IMMP2L: variants seen among roughly 807,000 people sequenced by gnomAD.
The protein encoded by IMMP2L is inner mitochondrial membrane peptidase subunit 2, also known as mitochondrial inner membrane protease subunit 2.
In IMMP2L, 18 loss-of-function variants were observed where a neutral mutation model predicts 19.3. That is an observed-to-expected ratio of 0.93 (90% CI 0.64 to 1.38). The LOEUF is 1.38. IMMP2L is among the 40% of genes most tolerant of loss of function. The pLI is 0.00. For synonymous variants in IMMP2L, 76 were observed against 73.0 expected (o/e 1.04, Z -0.21); for missense variants, 233 against 218.2 (o/e 1.07, Z -0.43).
intron 3 of IMMP2L, among the ~76,000 whole-genome samples, chr7:110,979,631 C>T (rs1821047234): frequency 6.6e-6 from 1 of 151,728 alleles, no homozygotes; most frequent in Non-Finnish European, 1.5e-5. Context: ...CACATGTACC[C>T]TAGAACTTAA....
At chr7:110,979,722 A>G (rs1157495049) in intron 3 of IMMP2L, among the ~76,000 whole-genome samples, 1 of 152,156 alleles carries the variant, frequency 6.6e-6, no homozygotes, top group Non-Finnish European at 1.5e-5. Context: ...AAAAACCTCA[A>G]TAGTAAGAAA....
At chr7:110,759,869 G>C (rs546286785) in intron 5 of IMMP2L, among the ~76,000 whole-genome samples, 1 of 152,186 alleles carries the variant, frequency 6.6e-6, no homozygotes, top group Non-Finnish European at 1.5e-5. Flanking sequence ...CCTGGCAGAA[G>C]CAAAGTTGCT....
intron 3 of IMMP2L, among the ~76,000 whole-genome samples, chr7:111,481,771 G>C (rs1842210816): frequency 6.6e-6 from 1 of 152,088 alleles, no homozygotes; most frequent in Non-Finnish European, 1.5e-5. Flanking sequence ...TTTTATCTTA[G>C]TTCACTTCAG....
At chr7:110,905,702 TGTAA>T (rs1301486163) in intron 4 of IMMP2L, among the ~76,000 whole-genome samples, 3 of 152,212 alleles carry the variant, frequency 2.0e-5, no homozygotes, top group Non-Finnish European at 4.4e-5. Flanking sequence ...TTGGCTGGAC[TGTAA>T]GTGTGATGTC....
chr7:111,539,615 C>G (rs551756839), intron 1 of IMMP2L, among the ~76,000 whole-genome samples: 1 of 150,918 alleles, frequency 6.6e-6, no homozygotes, highest in African/African-American at 2.4e-5. Flanking sequence ...ATCAGAGCCA[C>G]TCTGCTTTTT....
intron 4 of IMMP2L, among the ~76,000 whole-genome samples, chr7:110,926,989 G>C (rs1024949777): frequency 3.3e-5 from 5 of 152,056 alleles, no homozygotes; most frequent in African/African-American, 1.2e-4. Flanking sequence ...CCTTGAATTT[G>C]GTCTCACTTT....
chr7:111,068,506 T>C lies in IMMP2L; in HGVS notation c.240-104941A>G, dbSNP rs557181394. Among the ~76,000 whole-genome samples the C allele has an allele frequency of 2.6e-5, 4 of 152,260 alleles. 1 individual carries two copies. In the East Asian group the frequency reaches 7.7e-4, roughly 29 times the overall value. Reference sequence around the variant, plus strand: ...GCAAAACAGTACTGCTTTACAGTTCTGTGGGGGAAGTGAGAAAAAGCTCAA... The same window carrying C: ...GCAAAACAGTACTGCTTTACAGTTCCGTGGGGGAAGTGAGAAAAAGCTCAA... On this transcript the variant is annotated intron_variant, in intron 3 of 5. Transcript: ENST00000405709.
At position 111,121,846 on chromosome 7, in the gene IMMP2L, A is replaced by G. The variant is rs377108260; in HGVS notation, c.240-158281T>C. 1.7e-4 allele frequency among the ~76,000 whole-genome samples: 26 copies of G among 152,272 alleles called. No individual in the cohort carries two copies. In the South Asian group the frequency reaches 5.2e-3, roughly 30 times the overall value. ...ACCAACCCAAATGTCCAACAATGAT[A>G]AACTGGATTAAGAAAATGTGGCAAA... On this transcript the variant is annotated intron_variant, in intron 3 of 5. Coordinates refer to ENST00000405709, the MANE Select transcript of IMMP2L (RefSeq NM_032549.4).
At chr7:111,081,732 A>C (rs1224374151) in intron 3 of IMMP2L, among the ~76,000 whole-genome samples, 1 of 152,134 alleles carries the variant, frequency 6.6e-6, no homozygotes, top group Non-Finnish European at 1.5e-5. Flanking sequence ...AGAGGTAAGA[A>C]TGACTTCCTC....
chr7:111,201,669 T>C (rs1428707303), intron 3 of IMMP2L, among the ~76,000 whole-genome samples: 1 of 151,484 alleles, frequency 6.6e-6, no homozygotes, highest in Non-Finnish European at 1.5e-5. Context: ...TGAGCTGAGA[T>C]TGCGCCACTG....
At chr7:110,874,111 G>A (rs1359533494) in intron 5 of IMMP2L, among the ~76,000 whole-genome samples, 2 of 152,000 alleles carry the variant, frequency 1.3e-5, no homozygotes, top group Non-Finnish European at 2.9e-5. Context: ...GATGTTTTTG[G>A]CTGGCTTTTA....
chr7:111,146,374 C>G (rs966094124), intron 3 of IMMP2L, among the ~76,000 whole-genome samples: 1 of 151,948 alleles, frequency 6.6e-6, no homozygotes, highest in Non-Finnish European at 1.5e-5. Flanking sequence ...TTATCTGGAT[C>G]AAGAATGTCT....
chr7:110,958,330 T>C (rs558642768), intron 4 of IMMP2L, among the ~76,000 whole-genome samples: 1 of 152,162 alleles, frequency 6.6e-6, no homozygotes, highest in Admixed American at 6.6e-5. Context: ...CACTTTTAGC[T>C]ATCTATTCTA....
chr7:111,533,558 G>A (rs1034472942), intron 1 of IMMP2L, among the ~76,000 whole-genome samples: 20 of 152,082 alleles, frequency 1.3e-4, no homozygotes, highest in African/African-American at 4.1e-4. Context: ...ACCCAAGGGC[G>A]CAAAGAAACT....
In IMMP2L at chr7:111,390,269, T is replaced by C. The variant is rs192953705; in HGVS notation, c.239+96969A>G. Among the ~76,000 whole-genome samples the C allele has an allele frequency of 4.3e-3, 662 of 152,240 alleles. 4 individuals are homozygous for C. Among genetic ancestry groups the C allele is most frequent in the African/African-American group, 0.015 (641 of 41,562 alleles). On this transcript the variant is annotated intron_variant, in intron 3 of 5. Transcript: ENST00000405709. The stretch of plus-strand genomic sequence containing the variant: ...CACACTGTCTGAGGGCCCCACTGGC[T>C]TGTCTAGGGTTCTGTCAGGCCTGCC...
At chr7:110,810,046 C>A (rs1377414186) in intron 5 of IMMP2L, among the ~76,000 whole-genome samples, 1 of 152,008 alleles carries the variant, frequency 6.6e-6, no homozygotes, top group Non-Finnish European at 1.5e-5. Context: ...TCCTAAATGC[C>A]TGCCATCTGG....
intron 3 of IMMP2L, among the ~76,000 whole-genome samples, chr7:111,401,956 T>C (rs1833458542): frequency 6.6e-6 from 1 of 151,552 alleles, no homozygotes; most frequent in South Asian, 2.1e-4. Context: ...TTTAAAAAAA[T>C]AATAGAAGCC....
At chr7:111,416,744 T>C (rs1834990269) in intron 3 of IMMP2L, among the ~76,000 whole-genome samples, 1 of 151,732 alleles carries the variant, frequency 6.6e-6, no homozygotes. Context: ...GCATAATATT[T>C]GTCCATAATT....
chr7:111,394,741 G>A (rs546402575), intron 3 of IMMP2L: 2 of 155,496 alleles, frequency 1.3e-5, no homozygotes, highest in East Asian at 3.8e-4. Flanking sequence ...TTGGAAAATA[G>A]ACTATAAGAC....
Sources: gnomAD v4.1 joint callset for allele counts (sites outside exome capture counted in the v4.1 genomes callset) on GRCh38, gnomAD v4.1.1 for gene constraint, MANE v1.5 for transcripts, NCBI Gene and HGNC (gene_info 2026-07-23, HGNC 2026-07-21) for gene names.